The following NPAS3 variants were observed in gnomAD, a reference collection of about 807,000 sequenced individuals.
NPAS3 encodes neuronal PAS domain protein 3, also known as neuronal PAS domain-containing protein 3.
Under a neutral mutation model 73.1 loss-of-function variants are expected in NPAS3, and 14 were observed. That is an observed-to-expected ratio of 0.19 (90% CI 0.13 to 0.30). NPAS3 has a LOEUF of 0.30. NPAS3 is among the 10% of genes least tolerant of loss of function. NPAS3 has a pLI of 1.00. For synonymous variants in NPAS3, 620 were observed against 541.5 expected (o/e 1.14, Z -2.01); for missense variants, 1,096 against 1,250.0 (o/e 0.88, Z 1.86).
In NPAS3 at chr14:33,108,758, T is replaced by TA. The variant is rs781338305; in HGVS notation, c.140+52765dup. Among the ~76,000 whole-genome samples the TA allele has an allele frequency of 1.2e-3, 185 of 152,294 alleles. 1 individual carries two copies. Among genetic ancestry groups the TA allele is most frequent in the Non-Finnish European group, 2.3e-3 (158 of 68,022 alleles). The stretch of plus-strand genomic sequence containing the variant: ...GAATATCATTTCTGACAGCCTTTTT[T>TA]AGGGTCACTAAAATTCCAATAATTC... On this transcript the variant is annotated intron_variant, in intron 2 of 11. Coordinates refer to ENST00000356141, the Ensembl canonical transcript of NPAS3.
chr14:32,950,719 T>C (rs1447794334), intron 1 of NPAS3, among the ~76,000 whole-genome samples: 2 of 152,150 alleles, frequency 1.3e-5, no homozygotes, highest in Non-Finnish European at 2.9e-5. Context: ...TGTGGCTGCA[T>C]AGCAACTGAA....
intron 9 of NPAS3, among the ~76,000 whole-genome samples, chr14:33,783,983 A>C (rs929310477): frequency 2.6e-5 from 4 of 152,220 alleles, no homozygotes; most frequent in Non-Finnish European, 4.4e-5. Flanking sequence ...AACAGTAGCA[A>C]AAGGTGAGTA....
intron 1 of NPAS3, among the ~76,000 whole-genome samples, chr14:32,978,358 G>A (rs2037772049): frequency 6.6e-6 from 1 of 152,190 alleles, no homozygotes; most frequent in South Asian, 2.1e-4. Flanking sequence ...ACAACTGGGA[G>A]AAGGGCCATC....
At chr14:33,774,252 T>G in intron 7 of NPAS3, 85 bp from the exon 8 acceptor site, 1 of 1,018,756 alleles carries the variant, frequency 9.8e-7, no homozygotes, top group Non-Finnish European at 1.5e-6. Flanking sequence ...TTGTTCCAGA[T>G]GTAATTTTGC....
intron 4 of NPAS3, among the ~76,000 whole-genome samples, chr14:33,395,236 C>T (rs973621764): frequency 6.6e-5 from 10 of 152,000 alleles, no homozygotes; most frequent in Admixed American, 6.6e-5. Flanking sequence ...TCAGCAGATA[C>T]TTTAAAATAA....
At chr14:33,169,365 G>A (rs1343575367) in intron 2 of NPAS3, among the ~76,000 whole-genome samples, 4 of 152,108 alleles carry the variant, frequency 2.6e-5, no homozygotes, top group Non-Finnish European at 5.9e-5. Context: ...GTCAGGAGTT[G>A]GAGACCAGCC....
chr14:33,325,098 A>G (rs1057175371), intron 3 of NPAS3, among the ~76,000 whole-genome samples: 6 of 152,146 alleles, frequency 3.9e-5, no homozygotes, highest in Non-Finnish European at 8.8e-5. Context: ...TGGTATGTGG[A>G]TAGCGGCTAG....
chr14:33,355,340 G>A (rs143792127), intron 3 of NPAS3, among the ~76,000 whole-genome samples: 1,573 of 151,854 alleles, frequency 0.01, 32 homozygotes, highest in African/African-American at 0.036. Flanking sequence ...TTGCTCTGTC[G>A]CCCAGGCTGG....
At chr14:32,986,679 T>C (rs1358146761) in intron 1 of NPAS3, among the ~76,000 whole-genome samples, 2 of 152,220 alleles carry the variant, frequency 1.3e-5, no homozygotes, top group East Asian at 1.9e-4. Flanking sequence ...ATTGTAAAAA[T>C]TATTTTGAAG....
intron 6 of NPAS3, among the ~76,000 whole-genome samples, chr14:33,694,290 C>T (rs1363624774): frequency 2.6e-5 from 4 of 152,160 alleles, no homozygotes; most frequent in African/African-American, 9.7e-5. Flanking sequence ...GTTAGTCTTT[C>T]CATTTACTCA....
intron 2 of NPAS3, among the ~76,000 whole-genome samples, chr14:33,066,023 C>T (rs1011760706): frequency 6.6e-6 from 1 of 152,084 alleles, no homozygotes; most frequent in African/African-American, 2.4e-5. Flanking sequence ...GCTTGAGGCA[C>T]CATCTGGATG....
At chr14:33,474,495 G>A (rs959634210) in intron 4 of NPAS3, among the ~76,000 whole-genome samples, 4 of 152,048 alleles carry the variant, frequency 2.6e-5, no homozygotes, top group East Asian at 1.9e-4. Flanking sequence ...TTTTGTGGAC[G>A]GAGAGGAGGT....
In NPAS3 at chr14:33,258,040, G is replaced by A. The variant is rs78088122; in HGVS notation, c.385+42614G>A. ...GCTGACACTTCCGGAGAGTAGCACAGCAAAGTAATTGAGAACAATAAACTT... is the reference window on the plus strand; with the variant it reads ...GCTGACACTTCCGGAGAGTAGCACAACAAAGTAATTGAGAACAATAAACTT... On this transcript the variant is annotated intron_variant, in intron 3 of 11. Coordinates refer to ENST00000356141, the Ensembl canonical transcript of NPAS3. Among the ~76,000 whole-genome samples the A allele has an allele frequency of 2.3e-3, 355 of 152,296 alleles. 1 individual carries two copies. Among genetic ancestry groups the A allele is most frequent in the African/African-American group, 8.1e-3 (338 of 41,574 alleles).
At chr14:33,475,985 C>T (rs17101323) in intron 4 of NPAS3, among the ~76,000 whole-genome samples, 2 of 152,034 alleles carry the variant, frequency 1.3e-5, no homozygotes, top group Non-Finnish European at 2.9e-5. Context: ...TGAGAAACTA[C>T]GTGATTTACT....
intron 3 of NPAS3, among the ~76,000 whole-genome samples, chr14:33,346,544 A>AG (rs1187111162): frequency 6.6e-6 from 1 of 151,908 alleles, no homozygotes; most frequent in African/African-American, 2.4e-5. Flanking sequence ...AAAAAAAAAA[A>AG]AAAAAGGAAA....
chr14:33,782,716 C>G (rs1311400291), intron 9 of NPAS3, among the ~76,000 whole-genome samples: 1 of 151,934 alleles, frequency 6.6e-6, no homozygotes, highest in Non-Finnish European at 1.5e-5. Context: ...TCTCAGAAAA[C>G]TCTGGAAGAG....
At chr14:33,083,799 C>G (rs1296715067) in intron 2 of NPAS3, among the ~76,000 whole-genome samples, 1 of 152,082 alleles carries the variant, frequency 6.6e-6, no homozygotes, top group Non-Finnish European at 1.5e-5. Context: ...CCACTGGGAC[C>G]CCCAGAGGCT....
At chr14:33,328,365 A>T (rs185132089) in intron 3 of NPAS3, among the ~76,000 whole-genome samples, 20 of 140,308 alleles carry the variant, frequency 1.4e-4, no homozygotes, top group African/African-American at 5.3e-4. Flanking sequence ...TGTTCACTTT[A>T]TTAAAATAAT....
At chr14:32,940,467 T>C (rs530376166) in intron 1 of NPAS3, among the ~76,000 whole-genome samples, 2 of 152,356 alleles carry the variant, frequency 1.3e-5, no homozygotes, top group South Asian at 4.1e-4. Flanking sequence ...TAATTGCATA[T>C]AGCATATTGG....
Sources: gnomAD v4.1 joint callset for allele counts (sites outside exome capture counted in the v4.1 genomes callset) on GRCh38, gnomAD v4.1.1 for gene constraint, MANE v1.5 for transcripts, NCBI Gene and HGNC (gene_info 2026-07-23, HGNC 2026-07-21) for gene names.